LARS1: variants seen among roughly 807,000 people sequenced by gnomAD.
LARS1 encodes the protein leucyl-tRNA synthetase 1, also known as leucine--tRNA ligase, cytoplasmic.
LARS1 carries 100 observed loss-of-function variants against 162.8 expected under a neutral mutation model. The observed-to-expected ratio is 0.61, with a 90% CI of 0.52 to 0.73. The LOEUF (loss-of-function observed/expected upper bound fraction) is 0.73, where lower values mean the gene tolerates loss of function less well. Among genes scored for constraint, LARS1 ranks in the 30% least tolerant of loss-of-function variants. The pLI is 0.00. For synonymous variants in LARS1, 457 were observed against 462.8 expected, an observed-to-expected ratio of 0.99 and a Z score of 0.16; for missense variants, 1,258 against 1,408.9, an observed-to-expected ratio of 0.89 and a Z score of 1.71.
At chr5:146,140,933 G>A (rs911433087) in intron 20 of LARS1, among the ~76,000 whole-genome samples, 1 of 151,608 alleles carries the variant, frequency 6.6e-6, no homozygotes, top group Non-Finnish European at 1.5e-5. Flanking sequence ...AAACAAGACA[G>A]AACAGTGTAA....
At position 146,157,429 on chromosome 5, in the gene LARS1, G is replaced by A. The variant is rs778068641; in HGVS notation, c.1039C>T (p.Pro347Ser). The A allele has an allele frequency of 1.2e-6, 2 of 1,613,618 alleles. No individual in the cohort carries two copies. The highest frequency in any genetic ancestry group is 1.1e-5 in the South Asian group (1 of 91,020). The change falls in exon 10 of 32, where the codon CCT becomes TCT. Residue 347 changes from proline to serine, a missense_variant. Pro to Ser is a moderately conservative substitution (Grantham distance 74). Transcript: ENST00000394434. ...QGFTKDNGVV[P>S]VVKELMGEEI... ...TCCCCCATTAATTCCTTAACAACAG[G>A]CACCACGCCATTGTCTTTGGTAAAG...
rs1453133176 is a variant in LARS1, at chr5:146,153,733, C to T, written c.1230+1G>A. 3 of 1,611,720 alleles carry T rather than the reference C, an allele frequency of 1.9e-6. No homozygotes were observed. The highest frequency in any genetic ancestry group is 1.1e-5 in the South Asian group (1 of 91,028). The stretch of plus-strand genomic sequence containing the variant: ...TACAAACATGAAACTCAGATACTTA[C>T]TTGCTTTTTCTTCAAGTCTCTGAGG... On this transcript the variant is annotated splice_donor_variant, in intron 12 of 31. Coordinates refer to ENST00000394434, the MANE Select transcript of LARS1 (RefSeq NM_020117.11). LOFTEE classifies it high-confidence loss of function.
chr5:146,166,023 T>C (rs1464886187), intron 5 of LARS1, among the ~76,000 whole-genome samples: 1 of 152,184 alleles, frequency 6.6e-6, no homozygotes. Flanking sequence ...AAAACAGATG[T>C]GTATGCATGG....
intron 22 of LARS1, 47 bp downstream of exon 22, chr5:146,135,554 T>G: frequency 4.4e-6 from 6 of 1,351,878 alleles, no homozygotes; most frequent in African/African-American, 1.5e-5. Context: ...TTCTATAATC[T>G]GAGAACTGGA....
intron 13 of LARS1, 56 bp from the exon 14 acceptor site, chr5:146,152,058 AG>A: frequency 6.3e-7 from 1 of 1,597,758 alleles, no homozygotes. Flanking sequence ...ACAGCTCTGT[AG>A]GGCACAAGTC....
At chr5:146,167,741 G>T (rs1754078655) in intron 5 of LARS1, among the ~76,000 whole-genome samples, 1 of 151,502 alleles carries the variant, frequency 6.6e-6, no homozygotes, top group African/African-American at 2.4e-5. Flanking sequence ...ATGTTAGCCA[G>T]GATGGTCTCG....
In LARS1 at chr5:146,140,533, C is replaced by T. The variant is rs377493830; in HGVS notation, c.2091-272G>A. On this transcript the variant is annotated intron_variant, in intron 20 of 31. Coordinates refer to ENST00000394434, the MANE Select transcript of LARS1 (RefSeq NM_020117.11). ...CTTAAAAATATATGTGAAGGCTGGG[C>T]GCAGTGGCTCACGCCCGTAATCCCA... Among the ~76,000 whole-genome samples, 8 of 152,320 alleles carry T rather than the reference C, an allele frequency of 5.3e-5. No individual in the cohort carries two copies. The East Asian group carries it at 7.7e-4, about 15-fold the overall frequency.
chr5:146,143,545 G>A lies in LARS1; in HGVS notation c.1744C>T (p.His582Tyr), dbSNP rs1752883143. ...AGCCACTGCTCATCCCAAGGCAGGTGAGTGCCTGAAAAATAAAAAGTAACG... is the reference window on the plus strand; with the variant it reads ...AGCCACTGCTCATCCCAAGGCAGGTAAGTGCCTGAAAAATAAAAAGTAACG... ...ACSRTYGLGT[H>Y]LPWDEQWLIE... The change falls in exon 19 of 32, where the codon CAC becomes TAC. Residue 582 changes from histidine to tyrosine, a missense_variant. By Grantham distance (83) the His-to-Tyr change is moderately conservative. Transcript: ENST00000394434. 6.2e-7 allele frequency: 1 copy of A among 1,612,778 alleles called. No homozygotes were observed. Among genetic ancestry groups the A allele is most frequent in the Non-Finnish European group, 8.5e-7 (1 of 1,179,262 alleles).
chr5:146,161,622 G>A (rs1388466051), intron 6 of LARS1, among the ~76,000 whole-genome samples: 2 of 152,018 alleles, frequency 1.3e-5, no homozygotes, highest in South Asian at 2.1e-4. Flanking sequence ...GTGTAGTGGC[G>A]CATGCCTGTA....
chr5:146,122,702 T>C, intron 29 of LARS1, 115 bp from the exon 30 acceptor site: 2 of 474,358 alleles, frequency 4.2e-6, no homozygotes, highest in Non-Finnish European at 7.6e-6. Context: ...TGAAATGGTC[T>C]GTGCAATTTT....
At chr5:146,149,873 T>C (rs1222026766) in intron 14 of LARS1, among the ~76,000 whole-genome samples, 174 bp from the exon 15 acceptor site, 1 of 152,208 alleles carries the variant, frequency 6.6e-6, no homozygotes, top group Admixed American at 6.5e-5. Flanking sequence ...GGATAACTAA[T>C]ATTTATAACA....
At chr5:146,165,258 G>A (rs553226729) in intron 5 of LARS1, among the ~76,000 whole-genome samples, 3 of 152,156 alleles carry the variant, frequency 2.0e-5, no homozygotes, top group South Asian at 4.2e-4. Context: ...CACTTGAACC[G>A]GGAGGCGGAG....
At chr5:146,131,448 A>ATGCAAC (rs71274377) in intron 23 of LARS1, 33,418 of 160,066 alleles carry the variant, frequency 0.21, 4,714 homozygotes, top group Admixed American at 0.33. Flanking sequence ...AAAGCCCAAA[A>ATGCAAC]TGCAACATGA....
chr5:146,182,645 C>T lies in LARS1; in HGVS notation c.-152G>A, dbSNP rs1371553757. On this transcript the variant is annotated 5_prime_UTR_variant, in exon 1 of 32. Transcript: ENST00000394434. ...ACCTGCTGAGGCAATCATCCGGCTC[C>T]TTACTAACTACAGCCAAGGCATCTC... The T allele has an allele frequency of 5.7e-6, 6 of 1,048,486 alleles. No individual in the cohort carries two copies. Among genetic ancestry groups the T allele is most frequent in the Non-Finnish European group, 8.7e-6 (6 of 689,630 alleles). The allele number at this position is 1,048,486 out of a possible 1,614,324, so 64.9% of individuals were successfully genotyped here.
At chr5:146,128,420 C>T (rs956673341) in intron 27 of LARS1, among the ~76,000 whole-genome samples, 2 of 152,010 alleles carry the variant, frequency 1.3e-5, no homozygotes, top group Non-Finnish European at 2.9e-5. Flanking sequence ...ACCCCCAATT[C>T]TTTTGATTAC....
intron 7 of LARS1, 100 bp from the exon 8 acceptor site, chr5:146,159,570 C>T: frequency 1.2e-6 from 1 of 808,136 alleles, no homozygotes; most frequent in Admixed American, 2.1e-5. Context: ...TGTCTTGCAA[C>T]TAGAATTTCT....
chr5:146,165,526 G>A (rs1344926433), intron 5 of LARS1, among the ~76,000 whole-genome samples: 1 of 151,556 alleles, frequency 6.6e-6, no homozygotes, highest in East Asian at 1.9e-4. Context: ...GCAAGACTAT[G>A]TCTTGAAAAA....
At chr5:146,178,882 G>A (rs1754710668) in intron 1 of LARS1, among the ~76,000 whole-genome samples, 1 of 152,098 alleles carries the variant, frequency 6.6e-6, no homozygotes, top group African/African-American at 2.4e-5. Context: ...ATTATTTGAG[G>A]CCAGGAGTTT....
chr5:146,162,533 T>C (rs964257190), intron 6 of LARS1, among the ~76,000 whole-genome samples: 3 of 152,098 alleles, frequency 2.0e-5, no homozygotes, highest in East Asian at 1.9e-4. Flanking sequence ...TTACAGAGCA[T>C]AGAGTAGATT....
Sources: allele counts gnomAD v4.1 joint callset (sites outside exome capture counted in the v4.1 genomes callset), GRCh38; gene constraint gnomAD v4.1.1; transcripts MANE v1.5; gene names NCBI Gene and HGNC (gene_info 2026-07-23, HGNC 2026-07-21).